The following SNX7 variants were observed in gnomAD, a reference collection of about 807,000 sequenced individuals.
SNX7 encodes sorting nexin 7.
SNX7 carries 35 observed loss-of-function variants against 48.4 expected under a neutral mutation model. The observed-to-expected ratio is 0.72, with a 90% confidence interval of 0.55 to 0.96. SNX7 has a LOEUF of 0.96. Ranked by LOEUF, SNX7 falls within the 40% of genes least tolerant of loss-of-function variation. The probability of loss-of-function intolerance (pLI) is 0.00; values close to 1 mark genes in which losing one functional copy is unlikely to be tolerated. For missense variants in SNX7, 553 were observed against 548.9 expected (o/e 1.01, Z -0.07); for synonymous variants, 190 against 190.2 (o/e 1.00, Z 0.01).
chr1:98,666,215 G>A (rs1557783033), intron 1 of SNX7, among the ~76,000 whole-genome samples: 1 of 152,142 alleles, frequency 6.6e-6, no homozygotes. Context: ...TGGAATTATT[G>A]GCAGAGTTAG....
At position 98,663,252 on chromosome 1, in the gene SNX7, G is replaced by GTT. The variant is rs1491348958; in HGVS notation, c.180+1341_180+1342insTT. ...ATCAGAATCATCAGGGTTTCTTTCT[G>GTT]GTTTTTTTTTTTTTTTTTTTTTTTT... On this transcript the variant is annotated intron_variant, in intron 1 of 8. Transcript: ENST00000306121. Among the ~76,000 whole-genome samples, 8 of 83,158 alleles carry GTT rather than the reference G, an allele frequency of 9.6e-5. 4 individuals are homozygous for GTT. The highest frequency in any genetic ancestry group is 4.4e-4 in the African/African-American group (8 of 18,292). The allele number at this position is 83,158 out of a possible 152,430, so 54.6% of individuals were successfully genotyped here.
At chr1:98,678,021 G>GTA (rs1650272588) in intron 1 of SNX7, among the ~76,000 whole-genome samples, 2 of 149,766 alleles carry the variant, frequency 1.3e-5, no homozygotes. Flanking sequence ...GTGTGTGTGT[G>GTA]TGTTAGTCTG....
rs1158718338 is a variant in SNX7 at position 98,666,411 on chromosome 1, C to T, written c.180+4500C>T. Among the ~76,000 whole-genome samples, 5 of 152,286 alleles carry T rather than the reference C, an allele frequency of 3.3e-5. No homozygotes were observed. In the East Asian group the frequency reaches 5.8e-4, roughly 18 times the overall value. On this transcript the variant is annotated intron_variant, in intron 1 of 8. Coordinates refer to ENST00000306121, the MANE Select transcript of SNX7 (RefSeq NM_015976.5). ...AGAGAGAGGTAGCTACTGCCGGAAA[C>T]GTGCCAAAGCAGGAGGAAATAAGGG... is the stretch of plus-strand genomic sequence containing the variant.
At chr1:98,717,141 A>C (rs1444383187) in intron 7 of SNX7, among the ~76,000 whole-genome samples, 2 of 152,084 alleles carry the variant, frequency 1.3e-5, no homozygotes, top group Non-Finnish European at 2.9e-5. Flanking sequence ...ATATGGAATT[A>C]TGTGTTAACT....
At chr1:98,663,828 T>C (rs1302873112) in intron 1 of SNX7, among the ~76,000 whole-genome samples, 1 of 152,206 alleles carries the variant, frequency 6.6e-6, no homozygotes, top group African/African-American at 2.4e-5. Flanking sequence ...TAACTGCGCG[T>C]GTTGGATGCT....
Position 98,685,022 on chromosome 1 carries a change from T to C in SNX7, c.318T>C (p.His106=), listed in dbSNP as rs768343352. 6.3e-7 allele frequency: 1 copy of C among 1,582,740 alleles called. No homozygotes were observed. The highest frequency in any genetic ancestry group is 8.6e-7 in the Non-Finnish European group (1 of 1,162,328). Residue 106 remains histidine, a synonymous_variant, in exon 2 of 9, where the codon CAT becomes CAC. Coordinates refer to ENST00000306121, the MANE Select transcript of SNX7 (RefSeq NM_015976.5). ...LFITVDEPES[H]VTTIETFITY... is the part of the protein sequence containing the mutation. ...TCACAGTTGATGAACCTGAAAGTCA[T>C]GTTACTACAATAGAAACTTTCATTA...
chr1:98,700,114 A>T (rs951541005), intron 6 of SNX7, among the ~76,000 whole-genome samples: 3 of 152,222 alleles, frequency 2.0e-5, no homozygotes, highest in African/African-American at 7.2e-5. Flanking sequence ...GTATGGAAAA[A>T]TAAGAATTAT....
At chr1:98,750,804 G>C (rs1557839215) in intron 8 of SNX7, among the ~76,000 whole-genome samples, 1 of 152,024 alleles carries the variant, frequency 6.6e-6, no homozygotes, top group African/African-American at 2.4e-5. Context: ...ATATATTTAT[G>C]AATCTTATAT....
chr1:98,740,767 G>T (rs1343677913), intron 8 of SNX7, among the ~76,000 whole-genome samples: 1 of 152,048 alleles, frequency 6.6e-6, no homozygotes, highest in Non-Finnish European at 1.5e-5. Context: ...CTATCAGTGT[G>T]TGATGTTTTT....
intron 1 of SNX7, among the ~76,000 whole-genome samples, chr1:98,669,871 T>C (rs1319147066): frequency 6.6e-6 from 1 of 152,230 alleles, no homozygotes; most frequent in Non-Finnish European, 1.5e-5. Context: ...TTCTGCCTTA[T>C]AAATAGATAT....
chr1:98,699,618 C>CT (rs1267828875), intron 6 of SNX7, among the ~76,000 whole-genome samples: 13 of 152,256 alleles, frequency 8.5e-5, no homozygotes, highest in Non-Finnish European at 1.8e-4. Flanking sequence ...GATACAGCTC[C>CT]TTTTTTCCGT....
In SNX7 at chr1:98,756,752, CT is replaced by C. The variant is rs1177923270; in HGVS notation, c.1279-3298del. Among the ~76,000 whole-genome samples the C allele has an allele frequency of 2.0e-5, 3 of 152,058 alleles. No individual in the cohort carries two copies. In the East Asian group the frequency reaches 5.8e-4, roughly 30 times the overall value. On this transcript the variant is annotated intron_variant, in intron 8 of 8. Coordinates refer to ENST00000306121, the MANE Select transcript of SNX7 (RefSeq NM_015976.5). ...ATTTTCTCGAACTCTTAGCTCTATC[CT>C]TTTAACTCAGTGAGTCAGCCAGGTA...
chr1:98,700,199 T>C (rs1230845375), intron 6 of SNX7, among the ~76,000 whole-genome samples: 1 of 152,218 alleles, frequency 6.6e-6, no homozygotes, highest in Admixed American at 6.5e-5. Context: ...ATTGCATTTC[T>C]TGTTCTGTTT....
intron 5 of SNX7, among the ~76,000 whole-genome samples, chr1:98,696,797 G>C (rs1651481940): frequency 6.6e-6 from 1 of 151,802 alleles, no homozygotes; most frequent in African/African-American, 2.4e-5. Context: ...CTATTAAGTA[G>C]ATTCTGGATG....
chr1:98,731,500 A>G (rs936189754), intron 7 of SNX7, among the ~76,000 whole-genome samples: 4 of 152,118 alleles, frequency 2.6e-5, no homozygotes, highest in African/African-American at 9.7e-5. Context: ...TTTCATGTCA[A>G]ACTTTCCATA....
chr1:98,684,893 A>G lies in SNX7; in HGVS notation c.189A>G (p.Ser63=), dbSNP rs747502848. 16 of 1,491,546 alleles carry G rather than the reference A, an allele frequency of 1.1e-5. No homozygotes were observed. Among genetic ancestry groups the G allele is most frequent in the Non-Finnish European group, 3.6e-6 (4 of 1,113,598 alleles). 92.4% of individuals were successfully genotyped at this position (1,491,546 alleles called of 1,614,324 possible). ...AATGTTTTATTTCTTAGGATGCCTC[A>G]TTGATGGACATGAACTCCTTCAGCC... is the stretch of plus-strand genomic sequence containing the variant. ...DDLEVFSKDA[S]LMDMNSFSPM... Residue 63 remains serine, a synonymous_variant, in exon 2 of 9, where the codon TCA becomes TCG. Coordinates refer to ENST00000306121, the MANE Select transcript of SNX7 (RefSeq NM_015976.5).
intron 8 of SNX7, among the ~76,000 whole-genome samples, chr1:98,748,197 GC>G (rs1206377405): frequency 1.3e-5 from 2 of 151,860 alleles, no homozygotes; most frequent in African/African-American, 4.8e-5. Context: ...TGTTGGCCAG[GC>G]TGGTCTCAAA....
intron 4 of SNX7, among the ~76,000 whole-genome samples, chr1:98,695,113 T>G (rs755096159): frequency 2.6e-5 from 4 of 152,208 alleles, no homozygotes; most frequent in Non-Finnish European, 5.9e-5. Context: ...CAATTTTATT[T>G]TTTGGAGTAT....
Position 98,684,928 on chromosome 1 carries a change from C to T in SNX7, c.224C>T (p.Pro75Leu). ...MDMNSFSPMM[P>L]TSPLSMINQI... ...ATGAACTCCTTCAGCCCTATGATGC[C>T]AACATCCCCTTTATCAATGATAAAC... Residue 75 changes from proline to leucine, a missense_variant, in exon 2 of 9, where the codon CCA (proline) becomes CTA (leucine). Transcript: ENST00000306121. 6.3e-7 allele frequency: 1 copy of T among 1,589,820 alleles called. No individual in the cohort carries two copies. Among genetic ancestry groups the T allele is most frequent in the Non-Finnish European group, 8.6e-7 (1 of 1,166,406 alleles).
Sources: allele counts gnomAD v4.1 joint callset (sites outside exome capture counted in the v4.1 genomes callset), GRCh38; gene constraint gnomAD v4.1.1; transcripts MANE v1.5; gene names NCBI Gene and HGNC (gene_info 2026-07-23, HGNC 2026-07-21).